AMBRA1: variants seen among roughly 807,000 people sequenced by gnomAD.
AMBRA1 encodes activating molecule in BECN1-regulated autophagy protein 1.
In AMBRA1, 47 loss-of-function variants were observed where a neutral mutation model predicts 125.4. The ratio of observed to expected loss-of-function variants is 0.37; its 90% CI spans 0.30 to 0.48. The LOEUF (loss-of-function observed/expected upper bound fraction) is 0.48, where lower values mean the gene tolerates loss of function less well. Ranked by LOEUF, AMBRA1 falls within the 20% of genes least tolerant of loss-of-function variation. The pLI, the probability that AMBRA1 is intolerant of heterozygous loss-of-function variation, is 0.99. For synonymous variants in AMBRA1, 626 were observed against 655.5 expected, an observed-to-expected ratio of 0.95 and a Z score of 0.69; for missense variants, 1,331 against 1,693.4, an observed-to-expected ratio of 0.79 and a Z score of 3.76.
chr11:46,586,024 G>C (rs1193610251), intron 1 of AMBRA1, among the ~76,000 whole-genome samples: 1 of 151,752 alleles, frequency 6.6e-6, no homozygotes, highest in African/African-American at 2.4e-5. Flanking sequence ...GGCTGGTCAT[G>C]AACTCCCAAC....
At chr11:46,440,913 T>C (rs933273431) in intron 12 of AMBRA1, among the ~76,000 whole-genome samples, 5 of 152,182 alleles carry the variant, frequency 3.3e-5, no homozygotes, top group Admixed American at 1.3e-4. Flanking sequence ...ACAGACAAGA[T>C]AGAAAAATGT....
intron 1 of AMBRA1, among the ~76,000 whole-genome samples, chr11:46,580,008 C>T (rs1300442036): frequency 6.6e-6 from 1 of 152,180 alleles, no homozygotes; most frequent in Non-Finnish European, 1.5e-5. Context: ...TCACCACGCC[C>T]AGCCTACACA....
chr11:46,585,163 A>T (rs1397094718), intron 1 of AMBRA1, among the ~76,000 whole-genome samples: 1 of 151,976 alleles, frequency 6.6e-6, no homozygotes, highest in African/African-American at 2.4e-5. Context: ...CATGCTCGTT[A>T]AGAGTCATCA....
At chr11:46,460,806 G>A (rs1052401830) in intron 11 of AMBRA1, among the ~76,000 whole-genome samples, 1 of 152,152 alleles carries the variant, frequency 6.6e-6, no homozygotes, top group Non-Finnish European at 1.5e-5. Context: ...CTGTTGGGAG[G>A]CCAGGCACGG....
chr11:46,558,018 A>G (rs1289823589), intron 1 of AMBRA1, among the ~76,000 whole-genome samples: 1 of 152,140 alleles, frequency 6.6e-6, no homozygotes, highest in Non-Finnish European at 1.5e-5. Flanking sequence ...GCCACGTGGA[A>G]GACTATCAAG....
Position 46,542,639 on chromosome 11 carries a change from C to T in AMBRA1, c.1378G>A (p.Ala460Thr). 1.5e-5 allele frequency: 25 copies of T among 1,614,192 alleles called. No homozygotes were observed. The highest frequency in any genetic ancestry group is 2.1e-5 in the Non-Finnish European group (25 of 1,180,040). ...VLRQQEGGSQ[A>T]SVYTSATEGR... ...TCTGTGGCTGAAGTGTACACAGATG[C>T]CTGAGAGCCACCTTCCTGCTGTCTC... Residue 460 changes from alanine (A) to threonine (T), a missense_variant, in exon 7 of 18, where the codon GCA (alanine) becomes ACA (threonine). By Grantham distance (58) the Ala-to-Thr change is moderately conservative (BLOSUM62 0). Transcript: ENST00000683756. This position sits in a 1 kb window ranked among gnomAD's most constrained non-coding sequence, Gnocchi z 5.9.
intron 14 of AMBRA1, among the ~76,000 whole-genome samples, chr11:46,425,837 C>T (rs1947103681): frequency 6.6e-6 from 1 of 150,964 alleles, no homozygotes; most frequent in African/African-American, 2.4e-5. Flanking sequence ...GAAACTCCGT[C>T]TCAAAAACAA....
intron 1 of AMBRA1, among the ~76,000 whole-genome samples, chr11:46,577,833 C>T (rs2044012550): frequency 6.6e-6 from 1 of 151,916 alleles, no homozygotes; most frequent in Non-Finnish European, 1.5e-5. Flanking sequence ...GCCTATAATC[C>T]CAGCTAGTCA....
chr11:46,459,737 C>T (rs1949015546), intron 11 of AMBRA1, among the ~76,000 whole-genome samples: 1 of 132,352 alleles, frequency 7.6e-6, no homozygotes, highest in African/African-American at 3.4e-5. Flanking sequence ...AAAAAATACA[C>T]ATACACACAC....
chr11:46,412,470 T>G (rs983838743), intron 15 of AMBRA1, among the ~76,000 whole-genome samples: 2 of 152,012 alleles, frequency 1.3e-5, no homozygotes, highest in Non-Finnish European at 2.9e-5. Context: ...GTTTTTTGTT[T>G]TGTAGAGACA....
intron 1 of AMBRA1, among the ~76,000 whole-genome samples, chr11:46,591,608 G>C (rs551249449): frequency 2.6e-5 from 4 of 152,186 alleles, no homozygotes; most frequent in African/African-American, 9.6e-5. Flanking sequence ...TGTAATCCCA[G>C]CACTTTGGGA....
At chr11:46,500,277 CTT>C (rs777240208) in intron 9 of AMBRA1, among the ~76,000 whole-genome samples, 5 of 152,050 alleles carry the variant, frequency 3.3e-5, no homozygotes, top group Non-Finnish European at 7.4e-5. Flanking sequence ...TAAAAAAGGA[CTT>C]AGCATTTTTT....
At chr11:46,577,782 C>T (rs923336322) in intron 1 of AMBRA1, among the ~76,000 whole-genome samples, 5 of 152,032 alleles carry the variant, frequency 3.3e-5, no homozygotes, top group South Asian at 2.1e-4. Context: ...GAAACCCTGT[C>T]TCTACTAAAA....
intron 14 of AMBRA1, among the ~76,000 whole-genome samples, chr11:46,428,189 TGG>T (rs1446523835): frequency 2.6e-5 from 4 of 150,954 alleles, no homozygotes; most frequent in African/African-American, 9.8e-5. Flanking sequence ...AGAAGGGGAA[TGG>T]GGAGGGGAAG....
Position 46,543,024 on chromosome 11 carries a change from AG to A in AMBRA1, c.992del (p.Pro331LeufsTer35). On this transcript the variant is annotated frameshift_variant, in exon 7 of 18. Coordinates refer to ENST00000683756, the MANE Select transcript of AMBRA1 (RefSeq NM_001387011.1). LOFTEE classifies it high-confidence loss of function. ...AAGGGGTAGTAGCTCTGGCAGAAGC[AG>A]GGGGGACACTGTCCTGGTGTGGCAA... ...SLLPHQDSVP[P>X]ASARATTPSF... 6.3e-7 allele frequency: 1 copy of A among 1,599,518 alleles called. No homozygotes were observed. The highest frequency in any genetic ancestry group is 8.5e-7 in the Non-Finnish European group (1 of 1,179,850).
Position 46,568,413 on chromosome 11 carries a change from A to G in AMBRA1, c.-120-19913T>C, listed in dbSNP as rs1405192027. Among the ~76,000 whole-genome samples, 3 of 151,684 alleles carry G rather than the reference A, an allele frequency of 2.0e-5. No homozygotes were observed. In the South Asian group the frequency reaches 6.3e-4, roughly 32 times the overall value. On this transcript the variant is annotated intron_variant, in intron 1 of 17. Coordinates refer to ENST00000683756, the MANE Select transcript of AMBRA1 (RefSeq NM_001387011.1). ...GCAGAGGTTGCAGTGAGCTGAGATC[A>G]TGCCATTGCACTCCAGCTTGGGTGA...
chr11:46,490,210 G>A (rs915606637), intron 11 of AMBRA1, among the ~76,000 whole-genome samples: 4 of 152,118 alleles, frequency 2.6e-5, no homozygotes, highest in African/African-American at 9.7e-5. Context: ...TTACCTGGTA[G>A]AGCTGCAATA....
chr11:46,471,563 G>C (rs1949590550), intron 11 of AMBRA1, among the ~76,000 whole-genome samples: 1 of 151,570 alleles, frequency 6.6e-6, no homozygotes, highest in Non-Finnish European at 1.5e-5. Flanking sequence ...GGGCAACAGA[G>C]TAATATTCCT....
chr11:46,526,972 T>C (rs992902655), intron 7 of AMBRA1, among the ~76,000 whole-genome samples: 2 of 152,192 alleles, frequency 1.3e-5, no homozygotes, highest in African/African-American at 4.8e-5. Flanking sequence ...CAGATCATAA[T>C]AAAGCAAGTG....
Sources: allele counts gnomAD v4.1 joint callset (sites outside exome capture counted in the v4.1 genomes callset), GRCh38; gene constraint gnomAD v4.1.1; non-coding constraint Gnocchi (gnomAD v3.1); transcripts MANE v1.5; gene names NCBI Gene and HGNC (gene_info 2026-07-23, HGNC 2026-07-21).